CACNA1G: variants seen among roughly 807,000 people sequenced by gnomAD.
The protein encoded by CACNA1G is voltage-dependent T-type calcium channel subunit alpha-1G.
CACNA1G carries 67 observed loss-of-function variants against 219.4 expected under a neutral mutation model. That is an observed-to-expected ratio of 0.31 (90% confidence interval 0.25 to 0.37). The LOEUF (loss-of-function observed/expected upper bound fraction) is 0.37. Ranked by LOEUF, CACNA1G falls within the 10% of genes least tolerant of loss-of-function variation. CACNA1G has a pLI of 1.00. For missense variants in CACNA1G, 2,380 were observed against 3,231.4 expected (o/e 0.74, Z 6.39); for synonymous variants, 1,296 against 1,345.3 (o/e 0.96, Z 0.80).
chr17:50,613,627 G>A (rs752858649), intron 26 of CACNA1G, among the ~76,000 whole-genome samples: 1 of 152,236 alleles, frequency 6.6e-6, no homozygotes, highest in African/African-American at 2.4e-5. Flanking sequence ...GGGCTAATAA[G>A]GAGCCGCTTT....
intron 24 of CACNA1G, chr17:50,607,210 C>T: frequency 1.7e-6 from 1 of 586,632 alleles, no homozygotes; most frequent in Non-Finnish European, 3.2e-6. Flanking sequence ...TATTTTTAAA[C>T]TGGTGAATTT....
rs1310264453 is a variant in CACNA1G, at chr17:50,626,900, G to A, written c.*149G>A. 5 of 1,000,518 alleles carry A rather than the reference G, an allele frequency of 5.0e-6. No homozygotes were observed. In the South Asian group the frequency reaches 5.1e-5, roughly 10 times the overall value. 62.0% of individuals were successfully genotyped at this position (1,000,518 alleles called of 1,614,324 possible). A position where few individuals can be genotyped will look rare whatever the true frequency, so the allele number is the denominator to read the frequency against. On this transcript the variant is annotated 3_prime_UTR_variant, in exon 38 of 38. Transcript: ENST00000359106. This position sits in a 1 kb window ranked among gnomAD's most constrained non-coding sequence, Gnocchi z 4.3. ...CCTCAGTGGCTCTGGGTACCTGCAA[G>A]CAGAACTTCCAAAGAGAGTTAAAAG...
rs550632741 is a variant in CACNA1G at position 50,621,481 on chromosome 17, G to C, written c.5926-179G>C. 6.6e-6 allele frequency among the ~76,000 whole-genome samples: 1 copy of C among 152,278 alleles called. No homozygotes were observed. The highest frequency in any genetic ancestry group is 1.5e-5 in the Non-Finnish European group (1 of 68,014). On this transcript the variant is annotated intron_variant, in intron 34 of 37. Coordinates refer to ENST00000359106, the MANE Select transcript of CACNA1G (RefSeq NM_018896.5). This position sits in a 1 kb window ranked among gnomAD's most constrained non-coding sequence, Gnocchi z 4.6. Reference sequence around the variant, plus strand: ...AGCAGGGGGTTGAAGTGGGTGCGGGGAGGCACTGTCAGCTTGTTTGGGGAA... The same window carrying C: ...AGCAGGGGGTTGAAGTGGGTGCGGGCAGGCACTGTCAGCTTGTTTGGGGAA...
Position 50,603,309 on chromosome 17 carries a change from A to G in CACNA1G, c.4169+110A>G. ...GAAACAAAAGCCTGCACAGGCCAGC[A>G]TCCTGTCTGTGACCCCCACAGGCGA... On this transcript the variant is annotated intron_variant, in intron 21 of 37. Transcript: ENST00000359106. The surrounding 1 kb of genome is among the most constrained non-coding windows in gnomAD (Gnocchi z 6.4). 1 of 927,854 alleles carries G rather than the reference A, an allele frequency of 1.1e-6. No homozygotes were observed. The highest frequency in any genetic ancestry group is 1.6e-6 in the Non-Finnish European group (1 of 618,068). The allele number at this position is 927,854 out of a possible 1,614,324, so 57.5% of individuals were successfully genotyped here. A position where few individuals can be genotyped will look rare whatever the true frequency, so the allele number is the denominator to read the frequency against.
At position 50,618,611 on chromosome 17, in the gene CACNA1G, C is replaced by T. The variant is rs1470708666; in HGVS notation, c.5428-44C>T. The T allele has an allele frequency of 2.1e-6, 3 of 1,454,210 alleles. No homozygotes were observed. The highest frequency in any genetic ancestry group is 2.9e-6 in the Non-Finnish European group (3 of 1,045,946). 90.1% of individuals were successfully genotyped at this position (1,454,210 alleles called of 1,614,324 possible). On this transcript the variant is annotated intron_variant, in intron 32 of 37. Coordinates refer to ENST00000359106, the MANE Select transcript of CACNA1G (RefSeq NM_018896.5). The surrounding 1 kb of genome is among the most constrained non-coding windows in gnomAD (Gnocchi z 5.3). ...ACCTGATTTTCCACAACAGCTCCAA[C>T]AACTGTCCTCCCCAGCCTCACCCCT...
At chr17:50,579,616 C>T (rs1295321829) in intron 9 of CACNA1G, among the ~76,000 whole-genome samples, 1 of 152,136 alleles carries the variant, frequency 6.6e-6, no homozygotes, top group Admixed American at 6.5e-5. Context: ...TCACGGTCCT[C>T]CCAGGCTCTG....
In CACNA1G at chr17:50,627,064, A is replaced by C. The variant is rs1292030712; in HGVS notation, c.*313A>C. The C allele has an allele frequency of 5.7e-6, 3 of 528,038 alleles. No homozygotes were observed. The East Asian group carries it at 1.5e-4, about 26-fold the overall frequency. 32.7% of individuals were successfully genotyped at this position (528,038 alleles called of 1,614,324 possible). On this transcript the variant is annotated 3_prime_UTR_variant, in exon 38 of 38. Transcript: ENST00000359106. ...ATATTCTATTTTATTAAATTAATTG[A>C]ATCTAGTATATGCGGGATGTACGAC...
chr17:50,592,420 GCA>G (rs1568070462), intron 13 of CACNA1G, among the ~76,000 whole-genome samples: 1 of 152,156 alleles, frequency 6.6e-6, no homozygotes, highest in Admixed American at 6.5e-5. Flanking sequence ...GGACTCCTGA[GCA>G]CAGTGCTCTA....
intron 25 of CACNA1G, among the ~76,000 whole-genome samples, chr17:50,608,772 G>T (rs2048514905): frequency 1.3e-5 from 2 of 152,140 alleles, no homozygotes; most frequent in Non-Finnish European, 1.5e-5. Context: ...ACAGAGGCCA[G>T]GAAGGATGTG....
In CACNA1G at chr17:50,624,499, C is replaced by A; in HGVS notation, c.6369C>A (p.Ser2123=). The change falls in exon 37 of 38, where the codon TCC becomes TCA. Residue 2123 remains serine (S), a synonymous_variant. Transcript: ENST00000359106. ...CCAAACTGCCCCCACCAGGACGCTC[C>A]CCTTTGGCTCAGAGGCCACTCAGGC... is the stretch of plus-strand genomic sequence containing the variant. ...TIPKLPPPGR[S]PLAQRPLRRQ... 1 of 1,598,636 alleles carries A rather than the reference C, an allele frequency of 6.3e-7. No individual in the cohort carries two copies. The highest frequency in any genetic ancestry group is 2.3e-5 in the East Asian group (1 of 44,010).
chr17:50,606,160 A>T, intron 23 of CACNA1G, 137 bp downstream of exon 23: 1 of 1,245,006 alleles, frequency 8.0e-7, no homozygotes, highest in Non-Finnish European at 1.2e-6. Context: ...CTGCTGTCTA[A>T]CCACCAGCAT....
chr17:50,594,156 G>T (rs1194684472), intron 13 of CACNA1G, among the ~76,000 whole-genome samples: 2 of 152,242 alleles, frequency 1.3e-5, no homozygotes, highest in African/African-American at 4.8e-5. Flanking sequence ...CTAGGAGGGG[G>T]TGGTCCAGGG....
At chr17:50,591,328 C>T (rs1222133030) in intron 10 of CACNA1G, 107 bp from the exon 11 acceptor site, 7 of 1,152,400 alleles carry the variant, frequency 6.1e-6, no homozygotes, top group East Asian at 5.3e-5. Context: ...CATTTTCTCT[C>T]GACGTGCCCA....
intron 1 of CACNA1G, among the ~76,000 whole-genome samples, chr17:50,563,459 G>T (rs963361454): frequency 6.6e-6 from 1 of 152,180 alleles, no homozygotes; most frequent in Non-Finnish European, 1.5e-5. Flanking sequence ...CCCCTTCCAC[G>T]AATGGGAAAA....
chr17:50,569,311 G>C lies in CACNA1G; in HGVS notation c.488+13G>C. ...TCGTCATCGCAGGGTGAGGACCTGGGCTGGGGTGGGAGAGCAATGGATCAG... is the reference window on the plus strand; with the variant it reads ...TCGTCATCGCAGGGTGAGGACCTGGCCTGGGGTGGGAGAGCAATGGATCAG... On this transcript the variant is annotated intron_variant, in intron 3 of 37. Transcript: ENST00000359106. 6.2e-7 allele frequency: 1 copy of C among 1,613,218 alleles called. No individual in the cohort carries two copies. The highest frequency in any genetic ancestry group is 8.5e-7 in the Non-Finnish European group (1 of 1,179,772).
In CACNA1G at chr17:50,617,750, C is replaced by A; in HGVS notation, c.5156-109C>A. On this transcript the variant is annotated intron_variant, in intron 29 of 37. Transcript: ENST00000359106. The surrounding 1 kb of genome is among the most constrained non-coding windows in gnomAD (Gnocchi z 5.8). ...GAGGATGGGGATGCAACCTGGCTGG[C>A]CCGGAGATGGCCATCCCAGCAGCCC... The A allele has an allele frequency of 1.4e-6, 2 of 1,436,018 alleles. No individual in the cohort carries two copies. Among genetic ancestry groups the A allele is most frequent in the South Asian group, 2.4e-5 (2 of 82,128 alleles). The allele number at this position is 1,436,018 out of a possible 1,614,324, so 89.0% of individuals were successfully genotyped here. A position where few individuals can be genotyped will look rare whatever the true frequency, so the allele number is the denominator to read the frequency against.
In CACNA1G at chr17:50,609,883, T is replaced by C; in HGVS notation, c.4707T>C (p.Asn1569=). The C allele has an allele frequency of 6.2e-7, 1 of 1,611,420 alleles. No individual in the cohort carries two copies. Among genetic ancestry groups the C allele is most frequent in the East Asian group, 2.2e-5 (1 of 44,882 alleles). The change falls in exon 26 of 38, where the codon AAT becomes AAC. Residue 1569 remains asparagine, a splice_region_variant and synonymous_variant. Transcript: ENST00000359106. ...CAATGTCGTGTTTCGTTCTTTTAGA[T>C]CTAATGCTGGACGATGTAATTGCTT... ...RLRRLEKKRR[N]LMLDDVIASG... is the part of the protein sequence containing the mutation.
Position 50,599,753 on chromosome 17 carries a change from A to G in CACNA1G, c.3584A>G (p.Glu1195Gly). 4 of 1,613,626 alleles carry G rather than the reference A, an allele frequency of 2.5e-6. No homozygotes were observed. Among genetic ancestry groups the G allele is most frequent in the Non-Finnish European group, 3.4e-6 (4 of 1,179,832 alleles). Reference protein sequence around the residue: ...RTASGRGSASEHQDCNGKSAS... With the variant: ...RTASGRGSASGHQDCNGKSAS... ...GCCAGTGGCCGAGGGTCTGCTTCTG[A>G]GCACCAGGACTGCAATGGCAAGTCG... Residue 1195 changes from glutamate to glycine, a missense_variant, in exon 17 of 38, where the codon GAG (glutamate) becomes GGG (glycine). Transcript: ENST00000359106.
chr17:50,605,781 A>C, intron 22 of CACNA1G, 117 bp from the exon 23 acceptor site: 1 of 1,075,146 alleles, frequency 9.3e-7, no homozygotes, highest in Non-Finnish European at 1.4e-6. Flanking sequence ...GCCCCAGAGC[A>C]GAGCACCCCA....
Sources: allele counts gnomAD v4.1 joint callset (sites outside exome capture counted in the v4.1 genomes callset), GRCh38; gene constraint gnomAD v4.1.1; non-coding constraint Gnocchi (gnomAD v3.1); transcripts MANE v1.5; gene names NCBI Gene and HGNC (gene_info 2026-07-23, HGNC 2026-07-21).